The following PDK1 variants were observed in gnomAD, a reference collection of about 807,000 sequenced individuals.
The protein encoded by PDK1 is pyruvate dehydrogenase kinase 1.
PDK1 carries 39 observed loss-of-function variants against 54.2 expected under a neutral mutation model. The observed-to-expected ratio is 0.72, with a 90% CI of 0.56 to 0.94. The LOEUF (loss-of-function observed/expected upper bound fraction) is 0.94, where lower values mean the gene tolerates loss of function less well. PDK1 is among the 40% of genes least tolerant of loss of function. The pLI is 0.00. For missense variants in PDK1, 552 were observed against 566.0 expected (o/e 0.98, Z 0.25); for synonymous variants, 221 against 207.1 (o/e 1.07, Z -0.58).
the PDK1 span, among the ~76,000 whole-genome samples, chr2:172,651,424 C>T: frequency 1.3e-5 from 2 of 152,084 alleles, no homozygotes; most frequent in African/African-American, 4.8e-5. Context: ...ACTAGAGAAG[C>T]AAGAGCAAAC....
chr2:172,620,596 T>C, the PDK1 span, among the ~76,000 whole-genome samples: 1 of 152,140 alleles, frequency 6.6e-6, no homozygotes, highest in Non-Finnish European at 1.5e-5. Flanking sequence ...TAATCCGCAG[T>C]ATTGGAAGTG....
the PDK1 span, among the ~76,000 whole-genome samples, chr2:172,654,174 C>T: frequency 2.0e-5 from 3 of 152,158 alleles, no homozygotes; most frequent in Non-Finnish European, 4.4e-5. Context: ...GTTGGTGGGA[C>T]TGTAAACTAG....
At chr2:172,626,466 A>G in the PDK1 span, among the ~76,000 whole-genome samples, 1 of 152,204 alleles carries the variant, frequency 6.6e-6, no homozygotes, top group Non-Finnish European at 1.5e-5. Context: ...ATCCATATAG[A>G]CACAATTTGC....
At position 172,607,622 on chromosome 2, in the gene PDK1, G is replaced by A. The variant is rs1027730798; in HGVS notation, c.*11653G>A. 1 of 152,248 alleles carries A rather than the reference G, an allele frequency of 6.6e-6. No individual in the cohort carries two copies. Among genetic ancestry groups the A allele is most frequent in the African/African-American group, 2.4e-5 (1 of 41,444 alleles). The allele number at this position is 152,248 out of a possible 1,614,324, so 9.4% of individuals were successfully genotyped here. A position where few individuals can be genotyped will look rare whatever the true frequency, so the allele number is the denominator to read the frequency against. On this transcript the variant is annotated 3_prime_UTR_variant, in exon 11 of 11. Coordinates refer to ENST00000282077, the MANE Select transcript of PDK1 (RefSeq NM_002610.5). The stretch of plus-strand genomic sequence containing the variant: ...GTAGAATGGAGTGGGATGGTATCGT[G>A]ATGGTGAACCCAAAACAATGGTACT...
chr2:172,664,065 A>C, the PDK1 span, among the ~76,000 whole-genome samples: 1 of 150,520 alleles, frequency 6.6e-6, no homozygotes, highest in African/African-American at 2.4e-5. Flanking sequence ...TAATCCCAGC[A>C]CTTTGGGAGG....
At chr2:172,685,698 A>G in the PDK1 span, among the ~76,000 whole-genome samples, 1 of 152,206 alleles carries the variant, frequency 6.6e-6, no homozygotes, top group African/African-American at 2.4e-5. Flanking sequence ...AACCTGATAA[A>G]TGCACCCGAT....
intron 8 of PDK1, among the ~76,000 whole-genome samples, chr2:172,585,021 G>T (rs1690139791): frequency 6.6e-6 from 1 of 151,792 alleles, no homozygotes; most frequent in Non-Finnish European, 1.5e-5. Context: ...TTTAGAGACA[G>T]TGGCTCCCTC....
chr2:172,682,838 G>A, the PDK1 span, among the ~76,000 whole-genome samples: 4 of 152,030 alleles, frequency 2.6e-5, no homozygotes, highest in African/African-American at 7.2e-5. Context: ...TGGTGGCCTG[G>A]AAAAAGGCAT....
At chr2:172,638,934 A>G in the PDK1 span, among the ~76,000 whole-genome samples, 1 of 152,264 alleles carries the variant, frequency 6.6e-6, no homozygotes, top group Non-Finnish European at 1.5e-5. Context: ...TATAATTATA[A>G]CTTGGAATGG....
At chr2:172,652,247 G>A in the PDK1 span, among the ~76,000 whole-genome samples, 1 of 152,136 alleles carries the variant, frequency 6.6e-6, no homozygotes, top group Non-Finnish European at 1.5e-5. Context: ...ATGCAGAAAA[G>A]GCCTTTGAGA....
At chr2:172,713,228 T>A in the PDK1 span, among the ~76,000 whole-genome samples, 1 of 152,228 alleles carries the variant, frequency 6.6e-6, no homozygotes, top group Non-Finnish European at 1.5e-5. Context: ...CGGGATTTTA[T>A]GGGCTTCAGA....
chr2:172,697,713 TCAATTA>T, the PDK1 span, among the ~76,000 whole-genome samples: 2 of 152,220 alleles, frequency 1.3e-5, no homozygotes. Context: ...GTGTAATATT[TCAATTA>T]CACGTATTTT....
chr2:172,567,519 G>A (rs1689022330), intron 6 of PDK1, among the ~76,000 whole-genome samples: 1 of 152,234 alleles, frequency 6.6e-6, no homozygotes, highest in African/African-American at 2.4e-5. Context: ...GACACTTTAA[G>A]AAGGTGTGGG....
intron 8 of PDK1, among the ~76,000 whole-genome samples, chr2:172,571,789 G>A (rs1689272007): frequency 6.7e-6 from 1 of 148,740 alleles, no homozygotes; most frequent in African/African-American, 2.5e-5. Flanking sequence ...CCCTTTGTAG[G>A]CCTCATTACT....
At chr2:172,705,472 T>C in the PDK1 span, among the ~76,000 whole-genome samples, 1 of 152,254 alleles carries the variant, frequency 6.6e-6, no homozygotes, top group African/African-American at 2.4e-5. Context: ...CCTATCTTAT[T>C]ACTGTCACCT....
the PDK1 span, among the ~76,000 whole-genome samples, chr2:172,637,831 G>A: frequency 6.6e-6 from 1 of 152,152 alleles, no homozygotes; most frequent in African/African-American, 2.4e-5. Context: ...GAGCAGCTGG[G>A]ACTACAGGCG....
intron 1 of PDK1, 74 bp from the exon 2 acceptor site, chr2:172,558,632 CTA>C (rs1426593148): frequency 7.6e-5 from 101 of 1,321,832 alleles, no homozygotes; most frequent in Non-Finnish European, 9.9e-5. Context: ...AACTTCCTCT[CTA>C]TTTCTCTCAG....
the PDK1 span, among the ~76,000 whole-genome samples, chr2:172,702,002 C>T: frequency 6.6e-6 from 1 of 152,080 alleles, no homozygotes; most frequent in Non-Finnish European, 1.5e-5. Flanking sequence ...AATATTTTCA[C>T]TGGATATGTT....
intron 3 of PDK1, 137 bp downstream of exon 3, chr2:172,562,428 A>G: frequency 1.5e-6 from 1 of 652,552 alleles, no homozygotes; most frequent in Non-Finnish European, 2.7e-6. Context: ...AGGACAAATA[A>G]CAATCAGCAA....
Sources: allele counts gnomAD v4.1 joint callset (sites outside exome capture counted in the v4.1 genomes callset), GRCh38; gene constraint gnomAD v4.1.1; transcripts MANE v1.5; gene names NCBI Gene and HGNC (gene_info 2026-07-23, HGNC 2026-07-21).